The following CCDC7 variants were observed in gnomAD, a reference collection of about 807,000 sequenced individuals.
CCDC7 encodes the protein coiled-coil domain-containing protein 7.
A neutral mutation model predicts 196.9 loss-of-function variants in CCDC7; 183 were observed. The observed-to-expected ratio is 0.93, with a 90% CI of 0.82 to 1.05. The LOEUF is 1.05. Ranked by LOEUF, CCDC7 falls within the 50% of genes least tolerant of loss-of-function variation. The pLI, the probability that CCDC7 is intolerant of heterozygous loss-of-function variation, is 0.00. For missense variants in CCDC7, 1,540 were observed against 1,482.2 expected (o/e 1.04, Z -0.64); for synonymous variants, 525 against 484.6 (o/e 1.08, Z -1.10).
intron 13 of CCDC7, among the ~76,000 whole-genome samples, chr10:32,558,820 G>A (rs1056559945): frequency 1.3e-5 from 2 of 152,230 alleles, no homozygotes; most frequent in African/African-American, 4.8e-5. Context: ...GTGGGCACAG[G>A]ACAGTGGGTG....
intron 23 of CCDC7, among the ~76,000 whole-genome samples, chr10:32,692,952 G>A (rs2077259766): frequency 6.6e-6 from 1 of 152,122 alleles, no homozygotes; most frequent in African/African-American, 2.4e-5. Flanking sequence ...TGAACCACAT[G>A]AATACCTTTA....
At chr10:32,803,317 T>C (rs2085176959) in intron 29 of CCDC7, among the ~76,000 whole-genome samples, 1 of 152,240 alleles carries the variant, frequency 6.6e-6, no homozygotes, top group African/African-American at 2.4e-5. Context: ...GTCTAGATGA[T>C]ATCCAGTGCT....
At chr10:32,560,578 A>C (rs2055322717) in intron 13 of CCDC7, among the ~76,000 whole-genome samples, 1 of 152,280 alleles carries the variant, frequency 6.6e-6, no homozygotes, top group African/African-American at 2.4e-5. Flanking sequence ...ACTAAGCTTC[A>C]TAAGTGAAGG....
chr10:32,862,104 G>T (rs1375380311), intron 41 of CCDC7, among the ~76,000 whole-genome samples: 1 of 152,200 alleles, frequency 6.6e-6, no homozygotes, highest in African/African-American at 2.4e-5. Context: ...CTGCTATAAA[G>T]ACACATGCAC....
chr10:32,587,632 A>C (rs2137689135), intron 18 of CCDC7, among the ~76,000 whole-genome samples: 1 of 152,328 alleles, frequency 6.6e-6, no homozygotes, highest in East Asian at 1.9e-4. Flanking sequence ...TGACTGCTGA[A>C]TTTATATGTT....
intron 16 of CCDC7, among the ~76,000 whole-genome samples, chr10:32,579,390 A>G (rs2058528225): frequency 1.3e-5 from 2 of 152,204 alleles, no homozygotes; most frequent in South Asian, 4.1e-4. Context: ...GCCAGCCATT[A>G]TGGAGGTTAT....
Position 32,668,283 on chromosome 10 carries a change from G to T in CCDC7, c.2122+4122G>T, listed in dbSNP as rs542507514. 1.4e-3 allele frequency among the ~76,000 whole-genome samples: 219 copies of T among 152,226 alleles called. 1 individual carries two copies. The highest frequency in any genetic ancestry group is 5.0e-3 in the African/African-American group (207 of 41,522). On this transcript the variant is annotated intron_variant, in intron 21 of 41. Transcript: ENST00000639629. The stretch of plus-strand genomic sequence containing the variant: ...GGAGATTTTGGGCAGAGATGATGGG[G>T]TTTTCTAGATATACAATCATGTCAT...
chr10:32,459,646 A>AT (rs60002951), intron 3 of CCDC7, among the ~76,000 whole-genome samples: 779 of 68,676 alleles, frequency 0.011, 117 homozygotes, highest in African/African-American at 0.032. Flanking sequence ...CCTGCTGCAC[A>AT]TTTTTTTTTT....
At chr10:32,545,432 C>G (rs2052267055) in intron 13 of CCDC7, among the ~76,000 whole-genome samples, 1 of 152,204 alleles carries the variant, frequency 6.6e-6, no homozygotes, top group Non-Finnish European at 1.5e-5. Flanking sequence ...GTTTCCTTCA[C>G]TTGCCCTTTA....
chr10:32,699,718 G>T (rs531977445), intron 24 of CCDC7, among the ~76,000 whole-genome samples: 1 of 149,434 alleles, frequency 6.7e-6, no homozygotes, highest in East Asian at 1.9e-4. Context: ...AGCACCTGTT[G>T]TCTCCTGACT....
chr10:32,783,682 G>A (rs999315924), intron 29 of CCDC7, among the ~76,000 whole-genome samples: 10 of 152,188 alleles, frequency 6.6e-5, no homozygotes, highest in African/African-American at 2.2e-4. Flanking sequence ...TTGAAAACAG[G>A]TACTTGTGCA....
intron 31 of CCDC7, among the ~76,000 whole-genome samples, chr10:32,821,773 G>T (rs2090257697): frequency 6.6e-6 from 1 of 151,834 alleles, no homozygotes; most frequent in Non-Finnish European, 1.5e-5. Flanking sequence ...AGAACACTTG[G>T]ACACAGGAAG....
At chr10:32,794,679 T>C (rs1172743427) in intron 29 of CCDC7, among the ~76,000 whole-genome samples, 1 of 152,220 alleles carries the variant, frequency 6.6e-6, no homozygotes, top group Non-Finnish European at 1.5e-5. Flanking sequence ...ATATTAGTGA[T>C]AATGAGCAAT....
chr10:32,820,607 C>T (rs1315677787), intron 31 of CCDC7, among the ~76,000 whole-genome samples: 1 of 152,092 alleles, frequency 6.6e-6, no homozygotes, highest in Non-Finnish European at 1.5e-5. Context: ...GGTACTGGTA[C>T]CAAAACAGAG....
intron 33 of CCDC7, among the ~76,000 whole-genome samples, chr10:32,843,779 G>A (rs1170011676): frequency 1.3e-5 from 2 of 151,898 alleles, no homozygotes; most frequent in Admixed American, 6.6e-5. Context: ...AATAATCGGA[G>A]AGGCTATATG....
chr10:32,655,406 C>T (rs2069612755), intron 20 of CCDC7, among the ~76,000 whole-genome samples: 3 of 152,122 alleles, frequency 2.0e-5, no homozygotes, highest in Admixed American at 6.6e-5. Context: ...TTGCGTTTTT[C>T]ATTATAGTTG....
At chr10:32,691,134 C>G (rs2077033166) in intron 23 of CCDC7, among the ~76,000 whole-genome samples, 2 of 152,106 alleles carry the variant, frequency 1.3e-5, no homozygotes, top group Non-Finnish European at 2.9e-5. Flanking sequence ...TGGCCTAACT[C>G]TTAATTTTCT....
intron 28 of CCDC7, among the ~76,000 whole-genome samples, chr10:32,730,978 G>A (rs2132767102): frequency 6.6e-6 from 1 of 151,930 alleles, no homozygotes; most frequent in South Asian, 2.1e-4. Context: ...ATTTTTTATT[G>A]TGTCATTTAC....
At chr10:32,546,759 C>A (rs952080187) in intron 13 of CCDC7, among the ~76,000 whole-genome samples, 5 of 152,192 alleles carry the variant, frequency 3.3e-5, no homozygotes, top group African/African-American at 1.2e-4. Flanking sequence ...CATGGCTTAG[C>A]TGTGTCCTAT....
Sources: gnomAD v4.1 joint callset for allele counts (sites outside exome capture counted in the v4.1 genomes callset) on GRCh38, gnomAD v4.1.1 for gene constraint, MANE v1.5 for transcripts, NCBI Gene and HGNC (gene_info 2026-07-23, HGNC 2026-07-21) for gene names.